The following IGF2R variants were observed in gnomAD, a reference collection of about 807,000 sequenced individuals.
IGF2R encodes cation-independent mannose-6-phosphate receptor.
Under a neutral mutation model 270.6 loss-of-function variants are expected in IGF2R, and 91 were observed. The observed-to-expected ratio is 0.34, with a 90% CI of 0.28 to 0.40. The LOEUF is 0.40. Ranked by LOEUF, IGF2R falls within the 10% of genes least tolerant of loss-of-function variation. The pLI, the probability that IGF2R is intolerant of heterozygous loss-of-function variation, is 1.00. For synonymous variants in IGF2R, 1,316 were observed against 1,258.9 expected, an observed-to-expected ratio of 1.05 and a Z score of -0.96; for missense variants, 2,805 against 3,188.3, an observed-to-expected ratio of 0.88 and a Z score of 2.90.
At chr6:159,993,388 C>G (rs1784006672) in intron 2 of IGF2R, among the ~76,000 whole-genome samples, 1 of 151,648 alleles carries the variant, frequency 6.6e-6, no homozygotes, top group South Asian at 2.1e-4. Flanking sequence ...AAGTCTCCAA[C>G]TTTTGTATAT....
At chr6:160,053,110 C>T (rs1479952849) in intron 19 of IGF2R, among the ~76,000 whole-genome samples, 1 of 152,156 alleles carries the variant, frequency 6.6e-6, no homozygotes, top group Non-Finnish European at 1.5e-5. Flanking sequence ...AGACCTTCTG[C>T]ACGGCAAAAG....
intron 21 of IGF2R, 123 bp downstream of exon 21, chr6:160,058,247 A>C: frequency 1.5e-6 from 1 of 667,140 alleles, no homozygotes; most frequent in Non-Finnish European, 2.7e-6. Flanking sequence ...GCTCTTACTC[A>C]GAAGGAGATG....
chr6:159,992,605 CACACACACACACACACACACACACAA>C (rs1464199151), intron 2 of IGF2R, among the ~76,000 whole-genome samples: 1 of 151,182 alleles, frequency 6.6e-6, no homozygotes, highest in African/African-American at 2.4e-5. Context: ...AAATCACACA[CACACACACACACACACACACACACAA>C]ACACACACCA....
intron 1 of IGF2R, among the ~76,000 whole-genome samples, chr6:159,988,098 C>G (rs531305495): frequency 6.6e-6 from 1 of 152,164 alleles, no homozygotes; most frequent in Non-Finnish European, 1.5e-5. Flanking sequence ...ACCCTGATTT[C>G]CAGATTATCA....
Position 160,111,107 on chromosome 6 carries a change from G to A in IGF2R, c.*6023G>A, listed in dbSNP as rs1779730419. ...GGAAATTATTTGAGGTGATGGATAT[G>A]TTTAACTAGCTTGACTGGGGCAATG... On this transcript the variant is annotated 3_prime_UTR_variant, in exon 48 of 48. Coordinates refer to ENST00000356956, the MANE Select transcript of IGF2R (RefSeq NM_000876.4). 6.6e-6 allele frequency: 1 copy of A among 152,204 alleles called. No individual in the cohort carries two copies. The highest frequency in any genetic ancestry group is 1.5e-5 in the Non-Finnish European group (1 of 68,034). The allele number at this position is 152,204 out of a possible 1,614,324, so 9.4% of individuals were successfully genotyped here. A position where few individuals can be genotyped will look rare whatever the true frequency, so the allele number is the denominator to read the frequency against.
Position 160,073,511 on chromosome 6 carries a change from C to A in IGF2R, c.4947+42C>A, listed in dbSNP as rs752312033. 2.5e-6 allele frequency: 4 copies of A among 1,603,444 alleles called. No individual in the cohort carries two copies. In the African/African-American group the frequency reaches 4.0e-5, roughly 16 times the overall value. On this transcript the variant is annotated intron_variant, in intron 34 of 47. Transcript: ENST00000356956. ...GCACGGGAGAAGTGCATGTCCAGTG[C>A]CTGGCTGCACCCGGGCCCCTTCGTC...
intron 1 of IGF2R, among the ~76,000 whole-genome samples, chr6:159,975,001 A>G (rs1783666426): frequency 6.6e-6 from 1 of 152,108 alleles, no homozygotes; most frequent in Non-Finnish European, 1.5e-5. Context: ...GACCTCCGTA[A>G]TCAAATGTGT....
At chr6:160,039,425 A>G (rs1023184648) in intron 10 of IGF2R, among the ~76,000 whole-genome samples, 1 of 152,242 alleles carries the variant, frequency 6.6e-6, no homozygotes, top group African/African-American at 2.4e-5. Flanking sequence ...AAGTACTTAA[A>G]CAGAGCCTGT....
At chr6:160,038,864 C>A (rs552834045) in intron 10 of IGF2R, among the ~76,000 whole-genome samples, 107 of 152,102 alleles carry the variant, frequency 7.0e-4, no homozygotes, top group Middle Eastern at 6.8e-3. Flanking sequence ...ATAGAAAAAA[C>A]CCCACAGTAG....
Position 159,973,997 on chromosome 6 carries a change from C to G in IGF2R, c.149+4602C>G, listed in dbSNP as rs575583172. Among the ~76,000 whole-genome samples, 5 of 152,274 alleles carry G rather than the reference C, an allele frequency of 3.3e-5. No homozygotes were observed. In the East Asian group the frequency reaches 7.7e-4, roughly 23 times the overall value. On this transcript the variant is annotated intron_variant, in intron 1 of 47. Transcript: ENST00000356956. The stretch of plus-strand genomic sequence containing the variant: ...TTGTCCTAGCCACAGAGAGCTCTTG[C>G]TAATGTTGTAACTGGTCATGAATGG...
At chr6:160,053,467 A>G (rs1024992366) in intron 19 of IGF2R, among the ~76,000 whole-genome samples, 2 of 152,166 alleles carry the variant, frequency 1.3e-5, no homozygotes, top group African/African-American at 2.4e-5. Flanking sequence ...TAGGAGGTAG[A>G]GGAGGTGAGT....
chr6:160,063,370 C>T (rs751594599), intron 26 of IGF2R, 45 bp from the exon 27 acceptor site: 15 of 1,411,626 alleles, frequency 1.1e-5, no homozygotes, highest in East Asian at 2.3e-5. Flanking sequence ...AATGTGAATG[C>T]GTGTGTGGTT....
At chr6:160,039,733 C>T (rs974172418) in intron 10 of IGF2R, among the ~76,000 whole-genome samples, 19 of 152,116 alleles carry the variant, frequency 1.2e-4, no homozygotes, top group African/African-American at 3.6e-4. Context: ...GTTGTGCCCA[C>T]GGACCCCTAG....
chr6:159,979,514 G>A (rs867365160), intron 1 of IGF2R, among the ~76,000 whole-genome samples: 4 of 152,166 alleles, frequency 2.6e-5, no homozygotes, highest in Admixed American at 6.5e-5. Context: ...GACAGGCAGC[G>A]TGAGCTCATG....
At chr6:160,001,587 G>A (rs1330944297) in intron 2 of IGF2R, among the ~76,000 whole-genome samples, 1 of 152,088 alleles carries the variant, frequency 6.6e-6, no homozygotes, top group Non-Finnish European at 1.5e-5. Flanking sequence ...CAAGGTTGGG[G>A]GCTGCTGCCC....
intron 31 of IGF2R, among the ~76,000 whole-genome samples, chr6:160,071,204 A>G (rs78312918): frequency 1.2e-4 from 13 of 109,876 alleles, no homozygotes; most frequent in East Asian, 4.5e-4. Context: ...CCTGTGCCCC[A>G]GACCCAGGAG....
intron 21 of IGF2R, 122 bp from the exon 22 acceptor site, chr6:160,058,784 G>A: frequency 1.2e-6 from 1 of 841,556 alleles, no homozygotes; most frequent in Non-Finnish European, 1.9e-6. Flanking sequence ...TGGAAAGTTG[G>A]CAAGTTAACT....
intron 19 of IGF2R, among the ~76,000 whole-genome samples, chr6:160,053,018 A>T (rs972266838): frequency 5.3e-5 from 8 of 152,250 alleles, no homozygotes; most frequent in Non-Finnish European, 1.0e-4. Flanking sequence ...GGACATAAGC[A>T]TGGGCAAGGA....
intron 1 of IGF2R, among the ~76,000 whole-genome samples, chr6:159,980,118 T>C (rs1036099110): frequency 5.3e-5 from 8 of 151,208 alleles, no homozygotes; most frequent in Admixed American, 2.6e-4. Flanking sequence ...GAGGCGGAGC[T>C]TGCAGTGAGC....
Sources: allele counts gnomAD v4.1 joint callset (sites outside exome capture counted in the v4.1 genomes callset), GRCh38; gene constraint gnomAD v4.1.1; transcripts MANE v1.5; gene names NCBI Gene and HGNC (gene_info 2026-07-23, HGNC 2026-07-21).